The following DIP2C variants were observed in gnomAD, a reference collection of about 807,000 sequenced individuals.
DIP2C encodes DIP2 acetate--CoA ligase C (putative).
In DIP2C, 33 loss-of-function variants were observed where a neutral mutation model predicts 192.4. The ratio of observed to expected loss-of-function variants is 0.17; its 90% confidence interval spans 0.13 to 0.23. The LOEUF is 0.23. Among genes scored for constraint, DIP2C ranks in the 10% least tolerant of loss-of-function variants. The probability of loss-of-function intolerance (pLI) is 1.00; values close to 1 mark genes in which losing one functional copy is unlikely to be tolerated. For missense variants in DIP2C, 1,537 were observed against 2,110.1 expected, an observed-to-expected ratio of 0.73 and a Z score of 5.32; for synonymous variants, 979 against 864.1, an observed-to-expected ratio of 1.13 and a Z score of -2.33.
At chr10:629,084 T>C (rs528345658) in intron 1 of DIP2C, among the ~76,000 whole-genome samples, 8 of 152,066 alleles carry the variant, frequency 5.3e-5, no homozygotes, top group Non-Finnish European at 1.2e-4. Flanking sequence ...CCGAGGCCAG[T>C]GGGGCACTCG....
intron 1 of DIP2C, among the ~76,000 whole-genome samples, chr10:523,616 C>A (rs182547000): frequency 6.7e-6 from 1 of 150,258 alleles, no homozygotes; most frequent in East Asian, 2.0e-4. Context: ...AGTGAGGATG[C>A]AGGGACTCTG....
chr10:369,506 C>G lies in DIP2C; in HGVS notation c.2119G>C (p.Val707Leu). The G allele has an allele frequency of 6.5e-7, 1 of 1,548,520 alleles. No homozygotes were observed. The highest frequency in any genetic ancestry group is 1.4e-5 in the African/African-American group (1 of 73,690). The part of the protein sequence containing the change: ...SVLTVQDVGL[V>L]MPGAIMCSVK... ...GACCCACACTCACCTCCAGGCATCA[C>G]GAGGCCGACATCCTGCACGGTGAGC... Residue 707 changes from valine (V) to leucine (L), a missense_variant, in exon 18 of 37, where the codon GTG becomes CTG. Coordinates refer to ENST00000280886, the MANE Select transcript of DIP2C (RefSeq NM_014974.3).
Position 414,866 on chromosome 10 carries a change from G to A in DIP2C, c.860-756C>T, listed in dbSNP as rs1415372513. Reference sequence around the variant, plus strand: ...CACATATATATTTGTGTGTGTGTGTGTGTGTGTGTGTGTGTGTGTGTGTGT... The same window carrying A: ...CACATATATATTTGTGTGTGTGTGTATGTGTGTGTGTGTGTGTGTGTGTGT... On this transcript the variant is annotated intron_variant, in intron 7 of 36. Transcript: ENST00000280886. Among the ~76,000 whole-genome samples the A allele has an allele frequency of 3.5e-4, 18 of 51,756 alleles. 1 individual carries two copies. The highest frequency in any genetic ancestry group is 1.2e-3 in the Admixed American group (5 of 4,142). 34.0% of individuals were successfully genotyped at this position (51,756 alleles called of 152,430 possible). A position where few individuals can be genotyped will look rare whatever the true frequency, so the allele number is the denominator to read the frequency against.
rs1854817598 is a variant in DIP2C, at chr10:636,110, C to T, written c.85+53384G>A. Among the ~76,000 whole-genome samples the T allele has an allele frequency of 6.6e-6, 1 of 152,182 alleles. No homozygotes were observed. Among genetic ancestry groups the T allele is most frequent in the South Asian group, 2.1e-4 (1 of 4,834 alleles). On this transcript the variant is annotated intron_variant, in intron 1 of 36. Coordinates refer to ENST00000280886, the MANE Select transcript of DIP2C (RefSeq NM_014974.3). This position sits in a 1 kb window ranked among gnomAD's most constrained non-coding sequence, Gnocchi z 4.6. The stretch of plus-strand genomic sequence containing the variant: ...TGTGTTTCCAGCATCAACCTGTGCT[C>T]ATAGCTACATACAAAATAACTTTAT...
At chr10:585,228 G>A (rs542293791) in intron 1 of DIP2C, among the ~76,000 whole-genome samples, 95 of 152,324 alleles carry the variant, frequency 6.2e-4, no homozygotes, top group African/African-American at 2.2e-3. Context: ...CTTCGTCAGA[G>A]CAAGCGTTCC....
intron 32 of DIP2C, among the ~76,000 whole-genome samples, chr10:290,201 T>A (rs560794276): frequency 1.2e-4 from 18 of 152,320 alleles, no homozygotes; most frequent in Non-Finnish European, 7.4e-5. Flanking sequence ...GGTGTCTGTC[T>A]TAAATGGAAA....
intron 4 of DIP2C, among the ~76,000 whole-genome samples, chr10:431,846 T>C (rs868080440): frequency 6.6e-6 from 1 of 152,380 alleles, no homozygotes. Flanking sequence ...GGAAAAATTC[T>C]AGTTTCTCAC....
intron 1 of DIP2C, among the ~76,000 whole-genome samples, chr10:654,371 C>T (rs1856146331): frequency 6.6e-6 from 1 of 152,184 alleles, no homozygotes; most frequent in Non-Finnish European, 1.5e-5. Context: ...GATGATCTGG[C>T]CATTCCAAAT....
intron 32 of DIP2C, among the ~76,000 whole-genome samples, chr10:305,245 A>G (rs1270652206): frequency 6.6e-6 from 1 of 152,220 alleles, no homozygotes; most frequent in Non-Finnish European, 1.5e-5. Context: ...AAGCTCGCAC[A>G]TGTACAAACT....
At position 652,324 on chromosome 10, in the gene DIP2C, C is replaced by T; in HGVS notation, c.85+37170G>A. 1 of 208,364 alleles carries T rather than the reference C, an allele frequency of 4.8e-6. No homozygotes were observed. The highest frequency in any genetic ancestry group is 5.8e-5 in the South Asian group (1 of 17,320). The allele number at this position is 208,364 out of a possible 1,614,324, so 12.9% of individuals were successfully genotyped here. On this transcript the variant is annotated intron_variant, in intron 1 of 36. Coordinates refer to ENST00000280886, the MANE Select transcript of DIP2C (RefSeq NM_014974.3). This position sits in a 1 kb window ranked among gnomAD's most constrained non-coding sequence, Gnocchi z 4.5. ...CCTCGGCATCTTCCTCCATCGACAG[C>T]AGCCTGGGCTCACCTCCCAGCCCGA...
chr10:283,715 T>G lies in DIP2C; in HGVS notation c.4120-269A>C, dbSNP rs1589382187. On this transcript the variant is annotated intron_variant, in intron 34 of 36. Coordinates refer to ENST00000280886, the MANE Select transcript of DIP2C (RefSeq NM_014974.3). ...GAATTAAAGCAGATTAGTTGAAGAT[T>G]TAACAAATAGGTTTTAAAAATATAC... 2.0e-5 allele frequency among the ~76,000 whole-genome samples: 3 copies of G among 152,238 alleles called. 1 individual carries two copies. The highest frequency in any genetic ancestry group is 2.0e-4 in the Admixed American group (3 of 15,282).
At chr10:612,977 G>T (rs1406210758) in intron 1 of DIP2C, among the ~76,000 whole-genome samples, 1 of 152,158 alleles carries the variant, frequency 6.6e-6, no homozygotes, top group African/African-American at 2.4e-5. Flanking sequence ...CGTTGAGCTG[G>T]CTGCAGCAGT....
chr10:670,777 G>A (rs563612735), intron 1 of DIP2C, among the ~76,000 whole-genome samples: 2 of 152,266 alleles, frequency 1.3e-5, no homozygotes, highest in East Asian at 3.9e-4. Context: ...GCAAATCACA[G>A]CTGTGAAAAT....
chr10:414,247 T>TGTC, intron 7 of DIP2C, 137 bp from the exon 8 acceptor site: 2 of 1,108,522 alleles, frequency 1.8e-6, no homozygotes, highest in Non-Finnish European at 2.5e-6. Context: ...CATGCTTTTC[T>TGTC]AGAATTGGGG....
chr10:629,930 TG>T (rs1854416025), intron 1 of DIP2C: 1 of 152,376 alleles, frequency 6.6e-6, no homozygotes, highest in South Asian at 2.1e-4. Flanking sequence ...GGAAGTGTCC[TG>T]GGCTCTGTCC....
intron 1 of DIP2C, chr10:664,901 AATAT>A (rs1235160410): frequency 2.6e-5 from 4 of 152,150 alleles, no homozygotes; most frequent in Non-Finnish European, 5.9e-5. Flanking sequence ...CTCCTGAAGG[AATAT>A]ATAGTAATAA....
intron 1 of DIP2C, among the ~76,000 whole-genome samples, chr10:605,408 G>A (rs1364328860): frequency 6.6e-6 from 1 of 152,098 alleles, no homozygotes; most frequent in African/African-American, 2.4e-5. Context: ...TGATTCCCTT[G>A]CCCAAGCTAA....
chr10:487,413 C>CA (rs2133561375), intron 1 of DIP2C, among the ~76,000 whole-genome samples: 1 of 152,234 alleles, frequency 6.6e-6, no homozygotes, highest in Non-Finnish European at 1.5e-5. Context: ...GAAAGGCGGG[C>CA]AGTCTCGGAT....
chr10:542,958 C>T (rs1341981279), intron 1 of DIP2C, among the ~76,000 whole-genome samples: 2 of 152,212 alleles, frequency 1.3e-5, no homozygotes, highest in Admixed American at 1.3e-4. Flanking sequence ...CTAAGCCCAG[C>T]ACTTTGCTTC....
Sources: allele counts gnomAD v4.1 joint callset (sites outside exome capture counted in the v4.1 genomes callset), GRCh38; gene constraint gnomAD v4.1.1; non-coding constraint Gnocchi (gnomAD v3.1); transcripts MANE v1.5; gene names NCBI Gene and HGNC (gene_info 2026-07-23, HGNC 2026-07-21).